Variants in FBN2 observed in about 807,000 individuals in gnomAD.
The protein encoded by FBN2 is fibrillin 2.
In FBN2, 105 loss-of-function variants were observed where a neutral mutation model predicts 355.6. The observed-to-expected ratio is 0.30, with a 90% CI of 0.25 to 0.35. The LOEUF (loss-of-function observed/expected upper bound fraction) is 0.35. Ranked by LOEUF, FBN2 falls within the 10% of genes least tolerant of loss-of-function variation. The pLI is 1.00. For synonymous variants in FBN2, 1,350 were observed against 1,301.2 expected, an observed-to-expected ratio of 1.04 and a Z score of -0.81; for missense variants, 3,280 against 3,758.7, an observed-to-expected ratio of 0.87 and a Z score of 3.33.
At chr5:128,399,942 G>T (rs1752754330) in intron 8 of FBN2, among the ~76,000 whole-genome samples, 2 of 151,646 alleles carry the variant, frequency 1.3e-5, no homozygotes, top group Admixed American at 1.3e-4. Flanking sequence ...GGAAGCACAA[G>T]GACTATGGTA....
At chr5:128,478,316 G>T (rs944374098) in intron 5 of FBN2, among the ~76,000 whole-genome samples, 31 of 152,158 alleles carry the variant, frequency 2.0e-4, no homozygotes, top group African/African-American at 6.8e-4. Flanking sequence ...GCAGTGCTGG[G>T]TAGGCATTGG....
intron 14 of FBN2, 142 bp downstream of exon 14, chr5:128,376,589 G>C (rs1752082947): frequency 3.1e-6 from 3 of 962,444 alleles, no homozygotes; most frequent in African/African-American, 1.6e-5. Flanking sequence ...GAAAGCTTTA[G>C]ACACCTGCCT....
intron 5 of FBN2, among the ~76,000 whole-genome samples, chr5:128,508,994 T>C (rs926866558): frequency 6.6e-6 from 1 of 152,104 alleles, no homozygotes; most frequent in South Asian, 2.1e-4. Context: ...CTATACAAAA[T>C]GTATCTCTTT....
intron 5 of FBN2, among the ~76,000 whole-genome samples, chr5:128,486,085 C>T (rs1755329367): frequency 6.6e-6 from 1 of 152,088 alleles, no homozygotes; most frequent in Non-Finnish European, 1.5e-5. Flanking sequence ...CATTAATGCC[C>T]ATATATAAAA....
At chr5:128,391,962 T>C in intron 11 of FBN2, 56 bp downstream of exon 11, 2 of 1,486,930 alleles carry the variant, frequency 1.3e-6, no homozygotes, top group Non-Finnish European at 1.9e-6. Context: ...TTTGATCCTG[T>C]AATCTAATAG....
At chr5:128,409,693 C>T (rs1201140275) in intron 7 of FBN2, among the ~76,000 whole-genome samples, 1 of 151,860 alleles carries the variant, frequency 6.6e-6, no homozygotes, top group Non-Finnish European at 1.5e-5. Context: ...TTTTAATGAA[C>T]AGAGGTAGCA....
rs1243329027 is a variant in FBN2 at position 128,377,720 on chromosome 5, A to G, written c.1849+32T>C. On this transcript the variant is annotated intron_variant, in intron 13 of 64. Coordinates refer to ENST00000262464, the MANE Select transcript of FBN2 (RefSeq NM_001999.4). The stretch of plus-strand genomic sequence containing the variant: ...AAATAAAAATGTATATCCTTTTAAA[A>G]TCTTTTGCAAGGGAGCAGGCAATTT... 5.6e-6 allele frequency: 9 copies of G among 1,610,910 alleles called. No homozygotes were observed. In the Admixed American group the frequency reaches 1.5e-4, roughly 27 times the overall value.
At position 128,261,861 on chromosome 5, in the gene FBN2, G is replaced by C. The variant is rs145353444; in HGVS notation, c.8239C>G (p.Leu2747Val). Residue 2747 changes from leucine (L) to valine (V), a missense_variant, in exon 64 of 65, where the codon CTG becomes GTG. Around this residue, in one of 6 missense-constraint regions of FBN2, gnomAD observed 311 missense variants for 319.1 expected, o/e 0.97. Transcript: ENST00000262464. ...TTTTCCTCATCGACCTCTGTATCCA[G>C]TGACAGGTACTGCCCCTTGTTAAAT... is the stretch of plus-strand genomic sequence containing the variant. Reference protein sequence around the residue: ...MGFNKGQYLSLDTEVDEENAL... With the variant: ...MGFNKGQYLSVDTEVDEENAL... The C allele has an allele frequency of 1.5e-4, 238 of 1,614,020 alleles. No homozygotes were observed. The highest frequency in any genetic ancestry group is 2.0e-4 in the Non-Finnish European group (234 of 1,179,956).
chr5:128,294,023 T>C (rs1426600632), intron 48 of FBN2, among the ~76,000 whole-genome samples: 2 of 151,482 alleles, frequency 1.3e-5, no homozygotes, highest in Non-Finnish European at 2.9e-5. Context: ...GAGTGTGATG[T>C]TCCCCTTCCT....
intron 36 of FBN2, among the ~76,000 whole-genome samples, chr5:128,315,391 C>T (rs910294191): frequency 7.2e-5 from 11 of 152,006 alleles, no homozygotes; most frequent in South Asian, 4.1e-4. Flanking sequence ...TTGTAAAAAC[C>T]GATTCCAGGT....
chr5:128,431,038 T>G lies in FBN2; in HGVS notation c.952+15443A>C, dbSNP rs138150527. 2.4e-3 allele frequency among the ~76,000 whole-genome samples: 370 copies of G among 152,322 alleles called. 3 individuals carry two copies. Among genetic ancestry groups the G allele is most frequent in the African/African-American group, 8.2e-3 (341 of 41,574 alleles). ...ATAATGTTGAGAGAATTTCATGTCTTCTAATTTCAGGAATGCCCAGGTTTT... is the reference window on the plus strand; with the variant it reads ...ATAATGTTGAGAGAATTTCATGTCTGCTAATTTCAGGAATGCCCAGGTTTT... On this transcript the variant is annotated intron_variant, in intron 7 of 64. Coordinates refer to ENST00000262464, the MANE Select transcript of FBN2 (RefSeq NM_001999.4).
chr5:128,301,250 T>G (rs1749707018), intron 47 of FBN2, 132 bp downstream of exon 47: 1 of 901,442 alleles, frequency 1.1e-6, no homozygotes, highest in Non-Finnish European at 1.7e-6. Context: ...TTTTCCATCA[T>G]AGCTTATCTT....
intron 11 of FBN2, among the ~76,000 whole-genome samples, chr5:128,388,443 T>C (rs142772032): frequency 2.6e-5 from 4 of 152,364 alleles, no homozygotes; most frequent in Non-Finnish European, 2.9e-5. Flanking sequence ...CAATGGTCTA[T>C]GTACTTAAGT....
At chr5:128,362,767 A>G (rs1751670745) in intron 18 of FBN2, among the ~76,000 whole-genome samples, 1 of 152,194 alleles carries the variant, frequency 6.6e-6, no homozygotes, top group Non-Finnish European at 1.5e-5. Context: ...ACCTGGCCTC[A>G]CATTTTAATC....
chr5:128,379,171 T>C (rs912377655), intron 11 of FBN2, among the ~76,000 whole-genome samples: 1 of 152,150 alleles, frequency 6.6e-6, no homozygotes, highest in Non-Finnish European at 1.5e-5. Context: ...ATTAAAAGCA[T>C]GTGCCCTGAA....
intron 19 of FBN2, among the ~76,000 whole-genome samples, chr5:128,357,833 T>G (rs32238): frequency 0.3 from 46,235 of 152,088 alleles, 7,617 homozygotes; most frequent in Admixed American, 0.41. Context: ...TTCCAAGCTC[T>G]TGGGTATGAA....
rs778762668 is a variant in FBN2, at chr5:128,374,710, C to T, written c.2013G>A (p.Gly671=). 8.7e-6 allele frequency: 14 copies of T among 1,613,764 alleles called. No homozygotes were observed. Among genetic ancestry groups the T allele is most frequent in the Non-Finnish European group, 1.1e-5 (13 of 1,179,848 alleles). Reference sequence around the variant, plus strand: ...AGGACCCTTCACTGTTGATGCAGTGCCCATTCATGCAGATTCCTGGGGTCT... The same window carrying T: ...AGGACCCTTCACTGTTGATGCAGTGTCCATTCATGCAGATTCCTGGGGTCT... ...ECQTPGICMN[G]HCINSEGSFR... The change falls in exon 15 of 65, where the codon GGG becomes GGA. Residue 671 remains glycine (G), a synonymous_variant. Transcript: ENST00000262464.
intron 23 of FBN2, 62 bp downstream of exon 23, chr5:128,349,285 G>C: frequency 6.2e-7 from 1 of 1,605,522 alleles, no homozygotes; most frequent in South Asian, 1.1e-5. Flanking sequence ...ACTAGCCACT[G>C]CTTAAACAAG....
chr5:128,523,562 T>C (rs1476806980), intron 4 of FBN2, among the ~76,000 whole-genome samples: 1 of 152,070 alleles, frequency 6.6e-6, no homozygotes, highest in East Asian at 1.9e-4. Flanking sequence ...ATGTCCAACC[T>C]CTCTCCTAAG....
Sources: allele counts gnomAD v4.1 joint callset (sites outside exome capture counted in the v4.1 genomes callset), GRCh38; gene constraint gnomAD v4.1.1; regional missense constraint gnomAD v4.1.1; transcripts MANE v1.5; gene names NCBI Gene and HGNC (gene_info 2026-07-23, HGNC 2026-07-21).